BIRC6: variants seen among roughly 807,000 people sequenced by gnomAD.
The protein encoded by BIRC6 is dual E2 ubiquitin-conjugating enzyme/E3 ubiquitin-protein ligase BIRC6.
A neutral mutation model predicts 503.3 loss-of-function variants in BIRC6; 98 were observed. The observed-to-expected ratio is 0.19, with a 90% CI of 0.17 to 0.23. BIRC6 has a LOEUF of 0.23. BIRC6 is among the 10% of genes least tolerant of loss of function. The pLI is 1.00. For synonymous variants in BIRC6, 2,240 were observed against 2,078.7 expected, an observed-to-expected ratio of 1.08 and a Z score of -2.11; for missense variants, 5,360 against 5,806.0, an observed-to-expected ratio of 0.92 and a Z score of 2.50.
At position 32,467,147 on chromosome 2, in the gene BIRC6, G is replaced by C. The variant is rs749469913; in HGVS notation, c.5357-378G>C. On this transcript the variant is annotated intron_variant, in intron 26 of 73. Transcript: ENST00000421745. ...AAAAAAAAAAAAAAAGAGGGGTTTC[G>C]CTGTATTGCCCAGTGTGGAGTATAG... Among the ~76,000 whole-genome samples the C allele has an allele frequency of 2.0e-5, 3 of 150,550 alleles. No individual in the cohort carries two copies. The East Asian group carries it at 5.8e-4, about 29-fold the overall frequency.
At chr2:32,589,539 T>C (rs1175025774) in intron 66 of BIRC6, among the ~76,000 whole-genome samples, 5 of 152,234 alleles carry the variant, frequency 3.3e-5, no homozygotes, top group Non-Finnish European at 7.3e-5. Context: ...AAACACTCTT[T>C]TACCTCTGCT....
Position 32,471,079 on chromosome 2 carries a change from G to C in BIRC6, c.6547G>C (p.Ala2183Pro). The C allele has an allele frequency of 6.3e-7, 1 of 1,582,890 alleles. No individual in the cohort carries two copies. The highest frequency in any genetic ancestry group is 8.6e-7 in the Non-Finnish European group (1 of 1,162,530). The change falls in exon 32 of 74, where the codon GCA becomes CCA. Residue 2183 changes from alanine (A) to proline (P), a missense_variant. Physicochemically the swap from Ala to Pro is conservative, Grantham distance 27. This residue lies in a region of BIRC6 where 2,299 missense variants were observed against 2,267.2 expected (regional missense o/e 1.01). Transcript: ENST00000421745. ...GGTGTCCAGGTTGCTGGATTATGTG[G>C]CAACTGTTGAAGATGAAGCAGCAGC... ...MLVSRLLDYVATVEDEAAAAK... is the reference protein window; with the variant it reads ...MLVSRLLDYVPTVEDEAAAAK...
At chr2:32,433,825 A>G (rs1028714338) in intron 13 of BIRC6, 21 bp downstream of exon 13, 4 of 1,458,136 alleles carry the variant, frequency 2.7e-6, no homozygotes, top group African/African-American at 2.8e-5. Flanking sequence ...ATCAAAATTT[A>G]TCTTTGAAGA....
rs560245579 is a variant in BIRC6, at chr2:32,406,445, A to G, written c.1419-54A>G. On this transcript the variant is annotated intron_variant, in intron 8 of 73. Transcript: ENST00000421745. Reference sequence around the variant, plus strand: ...TGTTCTTTTTTCTTTGCTTTCTCATATGATGTATACTTTTTTTGAAATTCA... The same window carrying G: ...TGTTCTTTTTTCTTTGCTTTCTCATGTGATGTATACTTTTTTTGAAATTCA... 69 of 1,323,754 alleles carry G rather than the reference A, an allele frequency of 5.2e-5. 1 individual carries two copies. In the African/African-American group the frequency reaches 5.9e-4, roughly 11 times the overall value. 82.0% of individuals were successfully genotyped at this position (1,323,754 alleles called of 1,614,324 possible).
chr2:32,529,023 A>G (rs980262871), intron 59 of BIRC6: 1 of 152,180 alleles, frequency 6.6e-6, no homozygotes, highest in Non-Finnish European at 1.5e-5. Flanking sequence ...CCCATCCTCT[A>G]TTTTATCACC....
chr2:32,448,753 T>G, intron 21 of BIRC6, 42 bp from the exon 22 acceptor site: 1 of 1,576,680 alleles, frequency 6.3e-7, no homozygotes, highest in South Asian at 1.2e-5. Flanking sequence ...GTTAATTAGA[T>G]GGCTGAAAGG....
At chr2:32,366,809 C>A (rs1305728744) in intron 1 of BIRC6, among the ~76,000 whole-genome samples, 2 of 151,440 alleles carry the variant, frequency 1.3e-5, no homozygotes, top group Non-Finnish European at 2.9e-5. Flanking sequence ...ATAGTGAGAC[C>A]CCGTCTCTAC....
intron 64 of BIRC6, among the ~76,000 whole-genome samples, chr2:32,548,334 G>C (rs970075344): frequency 4.5e-5 from 4 of 89,024 alleles, no homozygotes; most frequent in Non-Finnish European, 7.2e-5. Context: ...TTTTTTAAGT[G>C]TTATTTATTT....
At chr2:32,381,468 G>A (rs779214989) in intron 3 of BIRC6, among the ~76,000 whole-genome samples, 1 of 151,388 alleles carries the variant, frequency 6.6e-6, no homozygotes, top group African/African-American at 2.4e-5. Context: ...GCGAACTCCC[G>A]ACCTCAGGTG....
chr2:32,563,639 A>G (rs999598320), intron 65 of BIRC6: 2 of 152,238 alleles, frequency 1.3e-5, no homozygotes, highest in East Asian at 1.9e-4. Context: ...AAAAAATTTT[A>G]GTGACAGCTT....
At chr2:32,425,189 A>G (rs561934508) in intron 10 of BIRC6, among the ~76,000 whole-genome samples, 157 of 151,500 alleles carry the variant, frequency 1.0e-3, no homozygotes, top group African/African-American at 3.7e-3. Context: ...TTACTTTCTC[A>G]TATTCTGTGG....
At chr2:32,443,335 C>T (rs900076477) in intron 19 of BIRC6, 156 bp from the exon 20 acceptor site, 11 of 564,178 alleles carry the variant, frequency 1.9e-5, no homozygotes, top group African/African-American at 7.7e-5. Flanking sequence ...AATCAGTTCC[C>T]GCTATCTTTT....
chr2:32,611,748 C>A (rs965336733), intron 73 of BIRC6, among the ~76,000 whole-genome samples, 166 bp downstream of exon 73: 2 of 152,064 alleles, frequency 1.3e-5, no homozygotes, highest in African/African-American at 4.8e-5. Context: ...AGAAAAGATA[C>A]ATTTTTTTTT....
At chr2:32,378,704 G>A (rs978570350) in intron 2 of BIRC6, among the ~76,000 whole-genome samples, 2 of 152,086 alleles carry the variant, frequency 1.3e-5, no homozygotes, top group African/African-American at 2.4e-5. Context: ...TGATCCGCCC[G>A]CCTCAGCCTC....
chr2:32,523,305 G>A (rs1015762924), intron 57 of BIRC6: 36 of 152,060 alleles, frequency 2.4e-4, no homozygotes, highest in Admixed American at 1.8e-3. Flanking sequence ...TGTTTGAATG[G>A]CATTTATTCT....
At chr2:32,485,139 G>A (rs1315156879) in intron 39 of BIRC6, among the ~76,000 whole-genome samples, 1 of 152,106 alleles carries the variant, frequency 6.6e-6, no homozygotes, top group African/African-American at 2.4e-5. Flanking sequence ...GGATATATGT[G>A]TTGCTATTTT....
At chr2:32,599,202 G>T (rs1225060393) in intron 69 of BIRC6, among the ~76,000 whole-genome samples, 1 of 151,534 alleles carries the variant, frequency 6.6e-6, no homozygotes, top group Non-Finnish European at 1.5e-5. Flanking sequence ...GGTGGTGCAT[G>T]CCTGTAATCT....
intron 66 of BIRC6, among the ~76,000 whole-genome samples, chr2:32,585,177 G>A (rs1352755860): frequency 1.3e-5 from 2 of 152,102 alleles, no homozygotes; most frequent in African/African-American, 2.4e-5. Flanking sequence ...TGTTGCACAC[G>A]GGCCAAAGAC....
chr2:32,442,012 CTT>C, intron 17 of BIRC6, 51 bp from the exon 18 acceptor site: 2 of 1,326,808 alleles, frequency 1.5e-6, no homozygotes, highest in Non-Finnish European at 2.0e-6. Flanking sequence ...GTTGTGATAG[CTT>C]TAGTTGTTCT....
Sources: allele counts gnomAD v4.1 joint callset (sites outside exome capture counted in the v4.1 genomes callset), GRCh38; gene constraint gnomAD v4.1.1; regional missense constraint gnomAD v4.1.1; transcripts MANE v1.5; gene names NCBI Gene and HGNC (gene_info 2026-07-23, HGNC 2026-07-21).